Variants in FNBP1 observed in about 807,000 individuals in gnomAD.
FNBP1 encodes the protein formin-binding protein 1.
FNBP1 carries 26 observed loss-of-function variants against 90.6 expected under a neutral mutation model. The observed-to-expected ratio is 0.29, with a 90% CI of 0.21 to 0.40. FNBP1 has a LOEUF of 0.40. Among genes scored for constraint, FNBP1 ranks in the 10% least tolerant of loss-of-function variants. FNBP1 has a pLI of 1.00. For synonymous variants in FNBP1, 260 were observed against 265.2 expected, an observed-to-expected ratio of 0.98 and a Z score of 0.19; for missense variants, 635 against 768.0, an observed-to-expected ratio of 0.83 and a Z score of 2.05.
chr9:130,040,222 A>T (rs2059699196), intron 1 of FNBP1, among the ~76,000 whole-genome samples: 1 of 152,172 alleles, frequency 6.6e-6, no homozygotes, highest in Admixed American at 6.5e-5. Flanking sequence ...TTCACCTGAA[A>T]ACTTAGATTT....
intron 6 of FNBP1, among the ~76,000 whole-genome samples, chr9:129,943,969 G>A (rs1282671644): frequency 5.5e-5 from 7 of 126,998 alleles, no homozygotes; most frequent in African/African-American, 2.1e-4. Flanking sequence ...CTCCAGCCTG[G>A]GCGACAGAGC....
intron 6 of FNBP1, among the ~76,000 whole-genome samples, chr9:129,936,711 G>A (rs2043516109): frequency 6.6e-6 from 1 of 152,126 alleles, no homozygotes; most frequent in Non-Finnish European, 1.5e-5. Context: ...ACGTGGCCAG[G>A]TAAATGAGAA....
chr9:129,927,576 G>A lies in FNBP1; in HGVS notation c.643-235C>T, dbSNP rs2042096042. Among the ~76,000 whole-genome samples, 3 of 152,034 alleles carry A rather than the reference G, an allele frequency of 2.0e-5. No individual in the cohort carries two copies. In the South Asian group the frequency reaches 6.2e-4, roughly 32 times the overall value. On this transcript the variant is annotated intron_variant, in intron 7 of 16. Coordinates refer to ENST00000446176, the MANE Select transcript of FNBP1 (RefSeq NM_015033.3). ...TTTGCACAATTCCATTCTAATTTTA[G>A]TAAGAATGCCAAACTCAATAGTTCT... is the stretch of plus-strand genomic sequence containing the variant.
intron 6 of FNBP1, among the ~76,000 whole-genome samples, chr9:129,950,564 G>A (rs1203394770): frequency 6.6e-6 from 1 of 152,128 alleles, no homozygotes; most frequent in Non-Finnish European, 1.5e-5. Flanking sequence ...AAGTCATCCT[G>A]GAAATTTCTG....
At chr9:129,892,774 C>T (rs2035247244) in intron 16 of FNBP1, among the ~76,000 whole-genome samples, 1 of 152,064 alleles carries the variant, frequency 6.6e-6, no homozygotes, top group Non-Finnish European at 1.5e-5. Flanking sequence ...CTGAAATTTA[C>T]AAAATATCTT....
At chr9:129,963,897 GAGCCACCATGCCC>G (rs1358534939) in intron 4 of FNBP1, among the ~76,000 whole-genome samples, 1 of 152,112 alleles carries the variant, frequency 6.6e-6, no homozygotes, top group Non-Finnish European at 1.5e-5. Context: ...TTACAGGCAT[GAGCCACCATGCCC>G]AGCCCCAGCC....
chr9:129,950,750 A>T (rs1234618317), intron 6 of FNBP1, among the ~76,000 whole-genome samples: 1 of 152,134 alleles, frequency 6.6e-6, no homozygotes, highest in East Asian at 1.9e-4. Flanking sequence ...TCATAATTAC[A>T]CACAGTCTGC....
At chr9:129,971,327 A>C (rs1057337151) in intron 4 of FNBP1, among the ~76,000 whole-genome samples, 3 of 152,182 alleles carry the variant, frequency 2.0e-5, no homozygotes, top group African/African-American at 7.2e-5. Context: ...TGTGCAGAAT[A>C]AAAAGCATCT....
intron 1 of FNBP1, among the ~76,000 whole-genome samples, chr9:130,016,412 C>T (rs2057244804): frequency 1.3e-5 from 2 of 152,174 alleles, no homozygotes; most frequent in Admixed American, 1.3e-4. Flanking sequence ...CACTATCAGT[C>T]AAGACATACT....
At chr9:130,014,806 A>G (rs2057050399) in intron 1 of FNBP1, among the ~76,000 whole-genome samples, 1 of 152,110 alleles carries the variant, frequency 6.6e-6, no homozygotes, top group Non-Finnish European at 1.5e-5. Context: ...TGAATAGAAA[A>G]AGCTATTACA....
At chr9:130,047,268 G>C (rs535232462), upstream of FNBP1, among the ~76,000 whole-genome samples, 35 of 152,176 alleles carry the variant, frequency 2.3e-4, no homozygotes, top group Non-Finnish European at 4.3e-4. Flanking sequence ...TTGGTGGTGG[G>C]AAGAAATCCC....
chr9:129,920,775 G>C (rs889425058), intron 10 of FNBP1, among the ~76,000 whole-genome samples: 9 of 152,116 alleles, frequency 5.9e-5, no homozygotes, highest in Non-Finnish European at 1.3e-4. Flanking sequence ...AAACAATCAT[G>C]AATATTCATC....
At chr9:129,920,847 C>T (rs1345116207) in intron 10 of FNBP1, among the ~76,000 whole-genome samples, 3 of 152,106 alleles carry the variant, frequency 2.0e-5, no homozygotes, top group African/African-American at 7.2e-5. Flanking sequence ...CTTGGTAAAG[C>T]GGCAGAGATG....
At chr9:129,909,088 G>A (rs966097831) in intron 11 of FNBP1, 89 bp from the exon 12 acceptor site, 2 of 767,626 alleles carry the variant, frequency 2.6e-6, no homozygotes. Flanking sequence ...CATGGGGGGT[G>A]CAGACATCTG....
chr9:129,899,544 C>G (rs949381103), intron 15 of FNBP1, among the ~76,000 whole-genome samples: 3 of 151,982 alleles, frequency 2.0e-5, no homozygotes, highest in Non-Finnish European at 2.9e-5. Context: ...GACCCTGTCT[C>G]TACTGAAAAG....
the FNBP1 span, chr9:130,053,770 C>A: frequency 4.5e-6 from 3 of 662,426 alleles, no homozygotes; most frequent in East Asian, 8.3e-5. Flanking sequence ...AGGTGGGCAG[C>A]ACAGGCTCCT....
At chr9:130,022,138 C>T (rs1009548666) in intron 1 of FNBP1, among the ~76,000 whole-genome samples, 1 of 151,556 alleles carries the variant, frequency 6.6e-6, no homozygotes, top group African/African-American at 2.4e-5. Flanking sequence ...GGATTACAGG[C>T]GTGAGCCATT....
chr9:129,968,312 T>C (rs2048929029), intron 4 of FNBP1, among the ~76,000 whole-genome samples: 1 of 151,340 alleles, frequency 6.6e-6, no homozygotes, highest in South Asian at 2.1e-4. Context: ...GGAAAATTGC[T>C]TGACCCTGGG....
At chr9:129,928,384 C>T (rs10125881) in intron 7 of FNBP1, among the ~76,000 whole-genome samples, 123,547 of 152,284 alleles carry the variant, frequency 0.81, 50,331 homozygotes, top group East Asian at 0.88. Context: ...GACAAATAGG[C>T]GCTGTGGCTC....
Sources: allele counts gnomAD v4.1 joint callset (sites outside exome capture counted in the v4.1 genomes callset), GRCh38; gene constraint gnomAD v4.1.1; transcripts MANE v1.5; gene names NCBI Gene and HGNC (gene_info 2026-07-23, HGNC 2026-07-21).